Variants in NPAS3 observed in about 807,000 individuals in gnomAD.
NPAS3 encodes neuronal PAS domain-containing protein 3.
In NPAS3, 14 loss-of-function variants were observed where a neutral mutation model predicts 73.1. That is an observed-to-expected ratio of 0.19 (90% CI 0.13 to 0.30). The LOEUF is 0.30. NPAS3 is among the 10% of genes least tolerant of loss of function. The pLI is 1.00. For missense variants in NPAS3, 1,096 were observed against 1,250.0 expected (o/e 0.88, Z 1.86); for synonymous variants, 620 against 541.5 (o/e 1.14, Z -2.01).
chr14:33,799,818 G>A (rs893780125), exon 12 of NPAS3: 1 of 1,613,818 alleles, frequency 6.2e-7, no homozygotes, highest in East Asian at 2.2e-5. Context: ...AAGAAGTCGG[G>A]CAACGCGTGT....
chr14:33,409,576 C>T (rs984163616), intron 4 of NPAS3, among the ~76,000 whole-genome samples: 4 of 152,066 alleles, frequency 2.6e-5, no homozygotes, highest in African/African-American at 4.8e-5. Flanking sequence ...TAAGTATTTC[C>T]CTGCCCTCTT....
At chr14:33,546,181 G>T (rs1309820051) in intron 4 of NPAS3, among the ~76,000 whole-genome samples, 1 of 152,132 alleles carries the variant, frequency 6.6e-6, no homozygotes, top group African/African-American at 2.4e-5. Flanking sequence ...TCCCATTTTT[G>T]TGAGAACCCT....
At chr14:33,439,237 T>A (rs755939899) in intron 4 of NPAS3, among the ~76,000 whole-genome samples, 1 of 152,200 alleles carries the variant, frequency 6.6e-6, no homozygotes, top group Non-Finnish European at 1.5e-5. Context: ...AGAGAGAGAC[T>A]AAGGCTGTGC....
chr14:33,378,190 C>G (rs1160113689), intron 4 of NPAS3, among the ~76,000 whole-genome samples: 4 of 152,152 alleles, frequency 2.6e-5, no homozygotes, highest in Non-Finnish European at 4.4e-5. Flanking sequence ...CACAAAGGTG[C>G]CTAGTTTAGA....
intron 2 of NPAS3, among the ~76,000 whole-genome samples, chr14:33,114,377 T>C (rs2042992875): frequency 6.6e-6 from 1 of 152,114 alleles, no homozygotes; most frequent in African/African-American, 2.4e-5. Context: ...AACATTATTC[T>C]GCTGCTTCCT....
intron 3 of NPAS3, among the ~76,000 whole-genome samples, chr14:33,341,248 A>G (rs2044463762): frequency 6.6e-6 from 1 of 152,186 alleles, no homozygotes; most frequent in Non-Finnish European, 1.5e-5. Context: ...AAAACTATAC[A>G]TTTTAGTGGT....
At chr14:33,793,307 A>G (rs1272669947) in intron 9 of NPAS3, among the ~76,000 whole-genome samples, 1 of 152,200 alleles carries the variant, frequency 6.6e-6, no homozygotes, top group African/African-American at 2.4e-5. Context: ...TTGTTCCAAC[A>G]TTCAGCGAAG....
At chr14:33,706,350 T>C (rs143768974) in intron 6 of NPAS3, among the ~76,000 whole-genome samples, 1 of 152,294 alleles carries the variant, frequency 6.6e-6, no homozygotes, top group East Asian at 1.9e-4. Flanking sequence ...ATGTAAGGGA[T>C]TATGAATCCC....
intron 3 of NPAS3, among the ~76,000 whole-genome samples, chr14:33,359,853 C>T (rs897848971): frequency 3.3e-5 from 5 of 152,226 alleles, no homozygotes; most frequent in East Asian, 3.9e-4. Flanking sequence ...AATTCGTGAG[C>T]GACACATGAT....
At chr14:33,713,275 G>T (rs1427290525) in intron 6 of NPAS3, among the ~76,000 whole-genome samples, 2 of 152,176 alleles carry the variant, frequency 1.3e-5, no homozygotes, top group East Asian at 1.9e-4. Context: ...AAAAAAACAG[G>T]TTCCTTCCAT....
intron 7 of NPAS3, among the ~76,000 whole-genome samples, chr14:33,769,299 C>T (rs2062565315): frequency 6.6e-6 from 1 of 152,320 alleles, no homozygotes; most frequent in South Asian, 2.1e-4. Flanking sequence ...TCGACTATCC[C>T]CTGAACACCT....
intron 3 of NPAS3, among the ~76,000 whole-genome samples, chr14:33,346,703 G>C (rs532802508): frequency 6.6e-6 from 1 of 152,232 alleles, no homozygotes; most frequent in South Asian, 2.1e-4. Flanking sequence ...TGAGTTCCTA[G>C]GTGAGTCCGC....
intron 4 of NPAS3, among the ~76,000 whole-genome samples, chr14:33,438,302 G>T (rs1336517504): frequency 2.0e-5 from 3 of 152,202 alleles, no homozygotes; most frequent in African/African-American, 7.2e-5. Context: ...GAAATAAAGT[G>T]CTGCATGTAA....
intron 4 of NPAS3, among the ~76,000 whole-genome samples, chr14:33,491,875 G>A (rs2051914369): frequency 6.6e-6 from 1 of 152,088 alleles, no homozygotes; most frequent in Admixed American, 6.5e-5. Context: ...AATTATCTCT[G>A]CTGAAATGTA....
intron 3 of NPAS3, among the ~76,000 whole-genome samples, chr14:33,227,090 A>C (rs1260348590): frequency 6.6e-6 from 1 of 152,224 alleles, no homozygotes; most frequent in African/African-American, 2.4e-5. Flanking sequence ...TATGAAAGGA[A>C]GCAGGGATGT....
intron 2 of NPAS3, among the ~76,000 whole-genome samples, chr14:33,127,399 T>C (rs2043466387): frequency 6.6e-6 from 1 of 152,174 alleles, no homozygotes; most frequent in African/African-American, 2.4e-5. Context: ...TATTTTACCT[T>C]TAATCTTTTG....
At chr14:33,670,566 C>A (rs1432336342) in intron 5 of NPAS3, among the ~76,000 whole-genome samples, 1 of 151,138 alleles carries the variant, frequency 6.6e-6, no homozygotes, top group African/African-American at 2.4e-5. Context: ...GCTATCATAT[C>A]TTATTATATT....
chr14:33,335,263 A>G (rs779347134), intron 3 of NPAS3, among the ~76,000 whole-genome samples: 2 of 152,064 alleles, frequency 1.3e-5, no homozygotes, highest in Non-Finnish European at 2.9e-5. Context: ...TTACCATTTG[A>G]TCCAGGCAGT....
chr14:33,494,960 A>T (rs1010661876), intron 4 of NPAS3, among the ~76,000 whole-genome samples: 2 of 151,974 alleles, frequency 1.3e-5, no homozygotes, highest in Non-Finnish European at 2.9e-5. Flanking sequence ...TTTCTTTAAG[A>T]CATGCAGTAC....
Sources: allele counts gnomAD v4.1 joint callset (sites outside exome capture counted in the v4.1 genomes callset), GRCh38; gene constraint gnomAD v4.1.1; transcripts MANE v1.5; gene names NCBI Gene and HGNC (gene_info 2026-07-23, HGNC 2026-07-21).